MIS18A: variants seen among roughly 807,000 people sequenced by gnomAD.
MIS18A encodes MIS18 kinetochore protein A, also known as protein Mis18-alpha.
In MIS18A, 14 loss-of-function variants were observed where a neutral mutation model predicts 25.0. That is an observed-to-expected ratio of 0.56 (90% CI 0.37 to 0.88). The LOEUF is 0.88. Among genes scored for constraint, MIS18A ranks in the 40% least tolerant of loss-of-function variants. The pLI, the probability that MIS18A is intolerant of heterozygous loss-of-function variation, is 0.00. For missense variants in MIS18A, 292 were observed against 290.8 expected (o/e 1.00, Z -0.03); for synonymous variants, 134 against 118.6 (o/e 1.13, Z -0.84).
the MIS18A span, among the ~76,000 whole-genome samples, chr21:32,191,651 C>A: frequency 0.069 from 10,477 of 152,228 alleles, 390 homozygotes; most frequent in Middle Eastern, 0.11. Context: ...CGGCTGTAAT[C>A]CCAGCACTTT....
At chr21:32,267,241 A>T (rs1046003260), downstream of MIS18A, among the ~76,000 whole-genome samples, 1 of 152,258 alleles carries the variant, frequency 6.6e-6, no homozygotes, top group Admixed American at 6.5e-5. Flanking sequence ...GTCTTATGAA[A>T]CACAGTATTT....
chr21:32,231,962 C>G, the MIS18A span, among the ~76,000 whole-genome samples: 14 of 152,224 alleles, frequency 9.2e-5, no homozygotes, highest in East Asian at 2.1e-3. Context: ...GACCCAGCAA[C>G]CTCTCTGCTG....
chr21:32,262,752 A>C, the MIS18A span, among the ~76,000 whole-genome samples: 1 of 152,248 alleles, frequency 6.6e-6, no homozygotes, highest in African/African-American at 2.4e-5. Context: ...TATAGAGTTC[A>C]TTTAATTTTG....
chr21:32,264,764 C>T (rs1008013123), downstream of MIS18A, among the ~76,000 whole-genome samples: 12 of 152,146 alleles, frequency 7.9e-5, no homozygotes, highest in Non-Finnish European at 1.8e-4. Flanking sequence ...GCAACGGGTC[C>T]CTCTCCTGGT....
At chr21:32,218,162 T>C in the MIS18A span, among the ~76,000 whole-genome samples, 2 of 130,146 alleles carry the variant, frequency 1.5e-5, no homozygotes, top group Non-Finnish European at 1.5e-5. Flanking sequence ...CACTGCATTC[T>C]AGCCTAGGCA....
At chr21:32,230,377 A>G in the MIS18A span, among the ~76,000 whole-genome samples, 1 of 152,214 alleles carries the variant, frequency 6.6e-6, no homozygotes, top group Non-Finnish European at 1.5e-5. Context: ...TTAACAATAG[A>G]GCATTTTTGG....
the MIS18A span, among the ~76,000 whole-genome samples, chr21:32,186,949 A>G: frequency 2.6e-5 from 4 of 152,186 alleles, no homozygotes; most frequent in Non-Finnish European, 4.4e-5. Context: ...GCAGATTATT[A>G]TTAGGCTGAG....
the MIS18A span, among the ~76,000 whole-genome samples, chr21:32,184,236 G>T: frequency 7.1e-3 from 1,089 of 152,308 alleles, 13 homozygotes; most frequent in African/African-American, 0.025. Context: ...CGACTTGCTT[G>T]TTTGGCCGCC....
the MIS18A span, among the ~76,000 whole-genome samples, chr21:32,160,527 G>T: frequency 6.6e-6 from 1 of 152,018 alleles, no homozygotes; most frequent in African/African-American, 2.4e-5. Context: ...TACATTTTAG[G>T]GAGGCATGAG....
At chr21:32,156,877 T>C in the MIS18A span, among the ~76,000 whole-genome samples, 6 of 152,062 alleles carry the variant, frequency 3.9e-5, no homozygotes, top group African/African-American at 1.4e-4. Context: ...GGTGGGAGGA[T>C]ATCCCAGTTA....
Position 32,268,504 on chromosome 21 carries a change from A to G in MIS18A, c.*533T>C, listed in dbSNP as rs1020389034. On this transcript the variant is annotated 3_prime_UTR_variant, in exon 5 of 5. Transcript: ENST00000290130. Reference sequence around the variant, plus strand: ...ATTTCTCCAGGGAACTTTATGGATTAGTTTTCAGAGAAGATTCCATGACAC... The same window carrying G: ...ATTTCTCCAGGGAACTTTATGGATTGGTTTTCAGAGAAGATTCCATGACAC... 7 of 152,252 alleles carry G rather than the reference A, an allele frequency of 4.6e-5. No homozygotes were observed. Among genetic ancestry groups the G allele is most frequent in the African/African-American group, 1.4e-4 (6 of 41,460 alleles). The allele number at this position is 152,252 out of a possible 1,614,324, so 9.4% of individuals were successfully genotyped here.
chr21:32,278,759 A>C lies in MIS18A; in HGVS notation c.256T>G (p.Ser86Ala), dbSNP rs778297155. The change falls in exon 1 of 5, where the codon TCC becomes GCC. Residue 86 changes from serine to alanine, a missense_variant. Coordinates refer to ENST00000290130, the MANE Select transcript of MIS18A (RefSeq NM_018944.3). ...AEERPLVFLC[S>A]GCRRPLGDSL... Reference sequence around the variant, plus strand: ...TCGCCCAGCGGCCGCCGGCAGCCGGAGCACAGGAACACCAGCGGCCTCTCC... The same window carrying C: ...TCGCCCAGCGGCCGCCGGCAGCCGGCGCACAGGAACACCAGCGGCCTCTCC... The C allele has an allele frequency of 2.5e-6, 4 of 1,578,760 alleles. No homozygotes were observed. Among genetic ancestry groups the C allele is most frequent in the Non-Finnish European group, 3.4e-6 (4 of 1,168,280 alleles).
the MIS18A span, among the ~76,000 whole-genome samples, chr21:32,202,203 C>T: frequency 2.6e-5 from 4 of 151,936 alleles, no homozygotes; most frequent in African/African-American, 9.7e-5. Flanking sequence ...GTGGGAGGAT[C>T]ACCTGAGCCT....
the MIS18A span, among the ~76,000 whole-genome samples, chr21:32,254,509 C>A: frequency 2.0e-5 from 3 of 150,276 alleles, no homozygotes; most frequent in African/African-American, 7.3e-5. Context: ...CCAGCCTGGA[C>A]AAGAAGAGTG....
At chr21:32,203,082 T>C in the MIS18A span, among the ~76,000 whole-genome samples, 1 of 151,576 alleles carries the variant, frequency 6.6e-6, no homozygotes. Context: ...TGTAATGTAA[T>C]AGAAAATTTT....
the MIS18A span, among the ~76,000 whole-genome samples, chr21:32,179,753 G>A: frequency 6.6e-6 from 1 of 152,136 alleles, no homozygotes; most frequent in Admixed American, 6.6e-5. Context: ...GCCCATTGTT[G>A]GGTCAAATGA....
chr21:32,199,108 G>A, the MIS18A span, among the ~76,000 whole-genome samples: 2 of 152,180 alleles, frequency 1.3e-5, no homozygotes, highest in East Asian at 1.9e-4. Flanking sequence ...TAAAGTAGGC[G>A]TTTTTCTCAT....
the MIS18A span, among the ~76,000 whole-genome samples, chr21:32,194,816 CACTT>C: frequency 3.3e-5 from 5 of 152,068 alleles, no homozygotes. Context: ...TGCAACTTCT[CACTT>C]ACAAGTGGGA....
chr21:32,192,638 C>T, the MIS18A span, among the ~76,000 whole-genome samples: 4 of 152,236 alleles, frequency 2.6e-5, no homozygotes, highest in Admixed American at 6.5e-5. Flanking sequence ...CAAGAGGCAT[C>T]GTGCTGCCCA....
Sources: allele counts gnomAD v4.1 joint callset (sites outside exome capture counted in the v4.1 genomes callset), GRCh38; gene constraint gnomAD v4.1.1; transcripts MANE v1.5; gene names NCBI Gene and HGNC (gene_info 2026-07-23, HGNC 2026-07-21).